Variants in LHPP observed in about 807,000 individuals in gnomAD.
LHPP encodes hLHPP.
In LHPP, 24 loss-of-function variants were observed where a neutral mutation model predicts 30.3. That is an observed-to-expected ratio of 0.79 (90% CI 0.57 to 1.11). LHPP has a LOEUF of 1.11. Ranked by LOEUF, LHPP falls within the 50% of genes most tolerant of loss-of-function variation. The pLI, the probability that LHPP is intolerant of heterozygous loss-of-function variation, is 0.00. For synonymous variants in LHPP, 150 were observed against 157.1 expected, an observed-to-expected ratio of 0.95 and a Z score of 0.34; for missense variants, 356 against 367.2, an observed-to-expected ratio of 0.97 and a Z score of 0.25.
chr10:124,559,988 G>C (rs1564830936), intron 6 of LHPP, among the ~76,000 whole-genome samples: 1 of 152,246 alleles, frequency 6.6e-6, no homozygotes, highest in Non-Finnish European at 1.5e-5. Context: ...GCTTTCAGGA[G>C]CTGGGAGGAG....
intron 5 of LHPP, 100 bp downstream of exon 5, chr10:124,498,228 G>C: frequency 6.7e-7 from 1 of 1,488,406 alleles, no homozygotes; most frequent in South Asian, 1.1e-5. Context: ...CTGTGGGGTT[G>C]GCCAGGCAGC....
intron 6 of LHPP, among the ~76,000 whole-genome samples, chr10:124,543,779 AT>A (rs11292978): frequency 0.76 from 103,540 of 137,064 alleles, 36,744 homozygotes; most frequent in East Asian, 0.91. Context: ...AAATTAATAT[AT>A]TTTTTTTTCT....
intron 6 of LHPP, among the ~76,000 whole-genome samples, chr10:124,551,723 G>C (rs116815685): frequency 2.0e-5 from 3 of 152,114 alleles, no homozygotes; most frequent in African/African-American, 7.2e-5. Context: ...GGCCCCCCGG[G>C]AAGAAGACCC....
At chr10:124,588,320 C>G (rs1216159855) in intron 6 of LHPP, among the ~76,000 whole-genome samples, 1 of 139,260 alleles carries the variant, frequency 7.2e-6, no homozygotes, top group Non-Finnish European at 1.5e-5. Flanking sequence ...AAGACTGAGT[C>G]TTGCTCTGTT....
intron 6 of LHPP, among the ~76,000 whole-genome samples, chr10:124,529,583 C>T (rs1466222340): frequency 6.6e-6 from 1 of 151,986 alleles, no homozygotes; most frequent in Admixed American, 6.5e-5. Context: ...CAGAGGAGTG[C>T]TCTACACTTT....
At position 124,596,311 on chromosome 10, in the gene LHPP, A is replaced by G. The variant is rs184943185; in HGVS notation, c.717-16953A>G. Among the ~76,000 whole-genome samples, 32 of 152,242 alleles carry G rather than the reference A, an allele frequency of 2.1e-4. No individual in the cohort carries two copies. The highest frequency in any genetic ancestry group is 1.3e-4 in the Non-Finnish European group (9 of 68,006). ...CCCGCGGCATTCATGTGTTTAGTGTAGGAGACTCTTGCCAAACATTTCTCC... is the reference window on the plus strand; with the variant it reads ...CCCGCGGCATTCATGTGTTTAGTGTGGGAGACTCTTGCCAAACATTTCTCC... On this transcript the variant is annotated intron_variant, in intron 6 of 6. Transcript: ENST00000368842. This position sits in a 1 kb window ranked among gnomAD's most constrained non-coding sequence, Gnocchi z 4.6.
At chr10:124,472,381 G>A (rs1295965741) in intron 1 of LHPP, among the ~76,000 whole-genome samples, 1 of 152,156 alleles carries the variant, frequency 6.6e-6, no homozygotes, top group East Asian at 1.9e-4. Flanking sequence ...GTTTATGTGA[G>A]TGCTGGAAGC....
chr10:124,512,430 C>T (rs1332732512), intron 5 of LHPP, among the ~76,000 whole-genome samples: 1 of 151,960 alleles, frequency 6.6e-6, no homozygotes, highest in Non-Finnish European at 1.5e-5. Context: ...TCTTGGTTAA[C>T]ACGGTGAAAC....
At position 124,613,818 on chromosome 10, in the gene LHPP, AG is replaced by A. The variant is rs1218777140; in HGVS notation, c.*462del. The A allele has an allele frequency of 1.6e-5, 3 of 193,016 alleles. No individual in the cohort carries two copies. In the Admixed American group the frequency reaches 1.6e-4, roughly 10 times the overall value. 12.0% of individuals were successfully genotyped at this position (193,016 alleles called of 1,614,324 possible). Reference sequence around the variant, plus strand: ...TCAGTGAAGAGCCTGGAAGAAACCCAGGGGCCTCCTATGCACAGATCTTGCA... The same window carrying A: ...TCAGTGAAGAGCCTGGAAGAAACCCAGGGCCTCCTATGCACAGATCTTGCA... On this transcript the variant is annotated 3_prime_UTR_variant, in exon 7 of 7. Coordinates refer to ENST00000368842, the MANE Select transcript of LHPP (RefSeq NM_022126.4).
intron 6 of LHPP, among the ~76,000 whole-genome samples, chr10:124,519,137 G>A (rs1424321600): frequency 2.0e-5 from 3 of 152,026 alleles, no homozygotes; most frequent in Admixed American, 1.3e-4. Context: ...TAGTGGAGAC[G>A]GGGTTTCACC....
intron 1 of LHPP, among the ~76,000 whole-genome samples, chr10:124,470,323 G>A (rs1375711919): frequency 1.3e-5 from 2 of 152,240 alleles, no homozygotes; most frequent in Middle Eastern, 3.4e-3. Context: ...TTTTGGAGCC[G>A]GCGGAAGGAA....
At chr10:124,501,904 T>C (rs1275449817) in intron 5 of LHPP, among the ~76,000 whole-genome samples, 1 of 151,944 alleles carries the variant, frequency 6.6e-6, no homozygotes, top group Non-Finnish European at 1.5e-5. Context: ...GTGTCGTTTT[T>C]ATGTTTTCTG....
intron 6 of LHPP, among the ~76,000 whole-genome samples, chr10:124,595,244 C>A (rs1293805824): frequency 6.6e-6 from 1 of 152,190 alleles, no homozygotes; most frequent in Non-Finnish European, 1.5e-5. Context: ...TTCTTCCCCA[C>A]CCGCTGCAAC....
rs1347773355 is a variant in LHPP, at chr10:124,541,252, A to G, written c.716+23981A>G. Among the ~76,000 whole-genome samples the G allele has an allele frequency of 6.6e-6, 1 of 152,228 alleles. No individual in the cohort carries two copies. The highest frequency in any genetic ancestry group is 1.5e-5 in the Non-Finnish European group (1 of 68,024). On this transcript the variant is annotated intron_variant, in intron 6 of 6. Transcript: ENST00000368842. This position sits in a 1 kb window ranked among gnomAD's most constrained non-coding sequence, Gnocchi z 4.2. ...ACTGTGCTTGGGGGACACAGCCGAC[A>G]CGACCAGCCTGCAGTACCAGGATAG...
intron 2 of LHPP, 80 bp downstream of exon 2, chr10:124,484,406 T>C (rs1173109108): frequency 2.2e-6 from 3 of 1,367,170 alleles, no homozygotes; most frequent in Non-Finnish European, 3.1e-6. Context: ...AGAGCCTCTT[T>C]CACTGGGCCA....
At chr10:124,548,357 T>C (rs1283236750) in intron 6 of LHPP, among the ~76,000 whole-genome samples, 1 of 152,182 alleles carries the variant, frequency 6.6e-6, no homozygotes, top group Admixed American at 6.5e-5. Flanking sequence ...CGGAACCCCC[T>C]GCCCAGAGCT....
At chr10:124,556,214 G>A (rs1431447865) in intron 6 of LHPP, among the ~76,000 whole-genome samples, 1 of 152,142 alleles carries the variant, frequency 6.6e-6, no homozygotes, top group Non-Finnish European at 1.5e-5. Context: ...GATGCCGCTG[G>A]GTGTCCACCT....
intron 6 of LHPP, among the ~76,000 whole-genome samples, chr10:124,602,015 C>T (rs1297416111): frequency 6.6e-6 from 1 of 152,218 alleles, no homozygotes; most frequent in Non-Finnish European, 1.5e-5. Flanking sequence ...ACTGCCTCTT[C>T]GTAGTGCCCC....
chr10:124,510,357 T>C lies in LHPP; in HGVS notation c.625-6823T>C, dbSNP rs1954267180. On this transcript the variant is annotated intron_variant, in intron 5 of 6. Transcript: ENST00000368842. This position sits in a 1 kb window ranked among gnomAD's most constrained non-coding sequence, Gnocchi z 4.0. ...GGTATGCGGAGCCCACAAGCTGGCC[T>C]GGACAGGCATCACTGCTCCAGGCAG... Among the ~76,000 whole-genome samples, 2 of 152,240 alleles carry C rather than the reference T, an allele frequency of 1.3e-5. No homozygotes were observed. Among genetic ancestry groups the C allele is most frequent in the Admixed American group, 1.3e-4 (2 of 15,288 alleles).
Sources: allele counts gnomAD v4.1 joint callset (sites outside exome capture counted in the v4.1 genomes callset), GRCh38; gene constraint gnomAD v4.1.1; non-coding constraint Gnocchi (gnomAD v3.1); transcripts MANE v1.5; gene names NCBI Gene and HGNC (gene_info 2026-07-23, HGNC 2026-07-21).